Variants in RARA observed in about 807,000 individuals in gnomAD.
RARA encodes PML-DDX5-RARA fusion.
RARA carries 5 observed loss-of-function variants against 42.8 expected under a neutral mutation model. The ratio of observed to expected loss-of-function variants is 0.12; its 90% CI spans 0.06 to 0.25. RARA has a LOEUF of 0.25. RARA is among the 10% of genes least tolerant of loss of function. The probability of loss-of-function intolerance (pLI) is 1.00; values close to 1 mark genes in which losing one functional copy is unlikely to be tolerated. For missense variants in RARA, 402 were observed against 628.7 expected, an observed-to-expected ratio of 0.64 and a Z score of 3.86; for synonymous variants, 256 against 259.5, an observed-to-expected ratio of 0.99 and a Z score of 0.13.
chr17:40,351,921 G>T lies in RARA; in HGVS notation c.481G>T (p.Asp161Tyr). 2.5e-6 allele frequency: 4 copies of T among 1,612,182 alleles called. No homozygotes were observed. In the South Asian group the frequency reaches 4.4e-5, roughly 18 times the overall value. ...TCTGCCCTCCACAGCTGTGAGAAAC[G>T]ACCGAAACAAGAAGAAGAAGGAGGT... ...VGMSKESVRNDRNKKKKEVPK... is the reference protein window; with the variant it reads ...VGMSKESVRNYRNKKKKEVPK... The change falls in exon 5 of 9, where the codon GAC becomes TAC. Residue 161 changes from aspartate (D) to tyrosine (Y), a missense_variant. Physicochemically the swap from Asp to Tyr is radical, Grantham distance 160. Coordinates refer to ENST00000254066, the MANE Select transcript of RARA (RefSeq NM_000964.4). The surrounding 1 kb of genome is among the most constrained non-coding windows in gnomAD (Gnocchi z 4.1).
At chr17:40,347,956 G>T in intron 2 of RARA, 1 of 191,972 alleles carries the variant, frequency 5.2e-6, no homozygotes, top group Non-Finnish European at 1.1e-5. Context: ...TTCCTAACTC[G>T]GGGGGAGAAC....
Position 40,351,072 on chromosome 17 carries a change from G to C in RARA, c.470-838G>C, listed in dbSNP as rs902586867. ...CCATTTCAATAGAATTAAAGCTTCC[G>C]AATGATAAACGTCTTGTCACAGCTG... On this transcript the variant is annotated intron_variant, in intron 4 of 8. Coordinates refer to ENST00000254066, the MANE Select transcript of RARA (RefSeq NM_000964.4). This position sits in a 1 kb window ranked among gnomAD's most constrained non-coding sequence, Gnocchi z 4.1. Among the ~76,000 whole-genome samples the C allele has an allele frequency of 1.3e-5, 2 of 151,852 alleles. No homozygotes were observed. The highest frequency in any genetic ancestry group is 2.9e-5 in the Non-Finnish European group (2 of 68,002).
At chr17:40,319,258 C>A (rs1235704507) in intron 1 of RARA, among the ~76,000 whole-genome samples, 3 of 152,040 alleles carry the variant, frequency 2.0e-5, no homozygotes, top group South Asian at 2.1e-4. Flanking sequence ...CTGCTCCTTG[C>A]GAAAGGAAAG....
intron 2 of RARA, among the ~76,000 whole-genome samples, chr17:40,344,459 C>T (rs1051235115): frequency 2.0e-5 from 3 of 152,146 alleles, no homozygotes; most frequent in Non-Finnish European, 2.9e-5. Context: ...GCCTTGGCCA[C>T]CTTCTCCAGA....
intron 2 of RARA, among the ~76,000 whole-genome samples, chr17:40,343,354 G>A (rs888403096): frequency 2.6e-5 from 4 of 152,200 alleles, no homozygotes; most frequent in South Asian, 2.1e-4. Context: ...TTGCTCTTGC[G>A]TCATTAGAGT....
intron 2 of RARA, 156 bp from the exon 3 acceptor site, chr17:40,348,160 T>C (rs1240404769): frequency 1.1e-6 from 1 of 922,298 alleles, no homozygotes; most frequent in Admixed American, 3.3e-5. Flanking sequence ...CTGCCCTGAG[T>C]CTGGCTGGGG....
chr17:40,342,052 A>G (rs1021958954), intron 2 of RARA: 6 of 1,048,748 alleles, frequency 5.7e-6, no homozygotes, highest in Non-Finnish European at 6.9e-6. Context: ...CTGCAGCCGG[A>G]CGCGCCGGGA....
chr17:40,315,436 A>G (rs2033192920), intron 1 of RARA, among the ~76,000 whole-genome samples: 1 of 151,906 alleles, frequency 6.6e-6, no homozygotes, highest in African/African-American at 2.4e-5. Flanking sequence ...CATCTCTACA[A>G]TGGCAACAGG....
intron 2 of RARA, chr17:40,341,100 T>G (rs1042401021): frequency 1.5e-5 from 6 of 402,782 alleles, no homozygotes; most frequent in Admixed American, 8.8e-5. Context: ...TCCAGGGGTA[T>G]CCCCTCTTTC....
intron 1 of RARA, among the ~76,000 whole-genome samples, chr17:40,322,079 G>A (rs1598538170): frequency 6.6e-6 from 1 of 152,140 alleles, no homozygotes; most frequent in East Asian, 1.9e-4. Context: ...AAAACTGGGA[G>A]CTCAGCTCTG....
At chr17:40,349,428 AG>A (rs368839854) in intron 3 of RARA, 1 of 246,686 alleles carries the variant, frequency 4.1e-6, no homozygotes, top group South Asian at 5.8e-5. Context: ...TTCTGAGTTC[AG>A]GGGTGTGGGT....
intron 2 of RARA, among the ~76,000 whole-genome samples, chr17:40,339,205 A>G (rs2143350176): frequency 6.6e-6 from 1 of 152,094 alleles, no homozygotes; most frequent in South Asian, 2.1e-4. Flanking sequence ...GTGCCACTCT[A>G]TACTGGGAGC....
chr17:40,341,484 G>A, intron 2 of RARA: 1 of 1,503,304 alleles, frequency 6.7e-7, no homozygotes, highest in Non-Finnish European at 8.9e-7. Context: ...ACTTGGCCCC[G>A]CGCGACCCGG....
At chr17:40,314,125 G>C (rs1325030835) in intron 1 of RARA, among the ~76,000 whole-genome samples, 1 of 151,260 alleles carries the variant, frequency 6.6e-6, no homozygotes, top group Non-Finnish European at 1.5e-5. Context: ...AAGGGCAGTA[G>C]GCTGCCAGCC....
At chr17:40,342,604 T>G in intron 2 of RARA, 1 of 1,451,428 alleles carries the variant, frequency 6.9e-7, no homozygotes, top group Non-Finnish European at 9.1e-7. Context: ...AGGGGACGTC[T>G]CCTCTCCCCC....
chr17:40,315,122 G>A (rs1177989825), intron 1 of RARA, among the ~76,000 whole-genome samples: 6 of 47,984 alleles, frequency 1.3e-4, no homozygotes, highest in Non-Finnish European at 2.6e-4. Context: ...ATATATATAT[G>A]CTTATATGTG....
In RARA at chr17:40,351,678, G is replaced by C. The variant is rs1363735901; in HGVS notation, c.470-232G>C. 1.3e-5 allele frequency: 8 copies of C among 593,318 alleles called. No individual in the cohort carries two copies. The highest frequency in any genetic ancestry group is 2.1e-5 in the Non-Finnish European group (7 of 335,058). 36.8% of individuals were successfully genotyped at this position (593,318 alleles called of 1,614,324 possible). A position where few individuals can be genotyped will look rare whatever the true frequency, so the allele number is the denominator to read the frequency against. ...GGGTGGGGTGGGGGGTGTGTGCAGG[G>C]CCACAGCTGTGCTCATGGGGCTTCT... On this transcript the variant is annotated intron_variant, in intron 4 of 8. Transcript: ENST00000254066. This position sits in a 1 kb window ranked among gnomAD's most constrained non-coding sequence, Gnocchi z 4.1.
intron 1 of RARA, among the ~76,000 whole-genome samples, chr17:40,325,991 T>C (rs530512777): frequency 2.4e-4 from 36 of 152,354 alleles, no homozygotes; most frequent in African/African-American, 8.4e-4. Flanking sequence ...TTTCCCTTTT[T>C]TGGTTTGTGA....
chr17:40,343,274 C>T (rs1166558375), intron 2 of RARA: 1 of 160,814 alleles, frequency 6.2e-6, no homozygotes, highest in African/African-American at 2.4e-5. Context: ...GGAAGGCCCC[C>T]CCGCCAGATC....
Sources: gnomAD v4.1 joint callset for allele counts (sites outside exome capture counted in the v4.1 genomes callset) on GRCh38, gnomAD v4.1.1 for gene constraint, Gnocchi (gnomAD v3.1) non-coding constraint, MANE v1.5 for transcripts, NCBI Gene and HGNC (gene_info 2026-07-23, HGNC 2026-07-21) for gene names.